Variants in CTNNA3 observed in about 807,000 individuals in gnomAD.
CTNNA3 encodes the protein catenin alpha 3.
A neutral mutation model predicts 95.7 loss-of-function variants in CTNNA3; 76 were observed. The ratio of observed to expected loss-of-function variants is 0.79; its 90% CI spans 0.66 to 0.96. The LOEUF is 0.96. Ranked by LOEUF, CTNNA3 falls within the 40% of genes least tolerant of loss-of-function variation. The pLI, the probability that CTNNA3 is intolerant of heterozygous loss-of-function variation, is 0.00. For synonymous variants in CTNNA3, 431 were observed against 374.4 expected, an observed-to-expected ratio of 1.15 and a Z score of -1.74; for missense variants, 1,191 against 1,089.8, an observed-to-expected ratio of 1.09 and a Z score of -1.31.
chr10:66,828,280 C>T (rs375372580), intron 7 of CTNNA3, among the ~76,000 whole-genome samples: 1 of 152,206 alleles, frequency 6.6e-6, no homozygotes, highest in African/African-American at 2.4e-5. Context: ...GCAGACTCAG[C>T]ATAGGGTTTC....
intron 5 of CTNNA3, among the ~76,000 whole-genome samples, chr10:67,438,067 A>G (rs138406781): frequency 4.7e-4 from 72 of 152,332 alleles, no homozygotes; most frequent in Non-Finnish European, 9.0e-4. Flanking sequence ...TGAAAGAGCA[A>G]CAAATAATGG....
chr10:67,660,651 G>A (rs1840156276), intron 1 of CTNNA3, among the ~76,000 whole-genome samples: 1 of 152,092 alleles, frequency 6.6e-6, no homozygotes, highest in African/African-American at 2.4e-5. Context: ...TGCGAATTAA[G>A]TCCGGGCGCA....
intron 3 of CTNNA3, among the ~76,000 whole-genome samples, chr10:67,580,572 T>C (rs1842351804): frequency 6.6e-6 from 1 of 151,750 alleles, no homozygotes; most frequent in African/African-American, 2.4e-5. Flanking sequence ...AACTTTAAAG[T>C]AGTTTTTTCC....
At chr10:66,896,305 A>C (rs1845490435) in intron 7 of CTNNA3, among the ~76,000 whole-genome samples, 1 of 152,156 alleles carries the variant, frequency 6.6e-6, no homozygotes, top group South Asian at 2.1e-4. Context: ...CTGTTATTTA[A>C]GTAGGCTAAT....
chr10:67,561,975 T>A (rs2133260745), intron 3 of CTNNA3, among the ~76,000 whole-genome samples: 1 of 152,204 alleles, frequency 6.6e-6, no homozygotes, highest in South Asian at 2.1e-4. Flanking sequence ...AACAACAGGA[T>A]CTGAAATTGT....
intron 11 of CTNNA3, among the ~76,000 whole-genome samples, chr10:66,499,835 C>T (rs1297141859): frequency 1.4e-5 from 2 of 145,804 alleles, no homozygotes; most frequent in Non-Finnish European, 3.0e-5. Flanking sequence ...CAGAGTATCA[C>T]TCTGTTGCCC....
intron 10 of CTNNA3, among the ~76,000 whole-genome samples, chr10:66,539,078 C>T (rs907328558): frequency 2.0e-5 from 3 of 151,976 alleles, no homozygotes; most frequent in Non-Finnish European, 4.4e-5. Flanking sequence ...TTGTTTAAAA[C>T]CTTGTTGTTC....
chr10:67,248,391 T>G (rs1227368622), intron 5 of CTNNA3, among the ~76,000 whole-genome samples: 1 of 152,074 alleles, frequency 6.6e-6, no homozygotes, highest in Admixed American at 6.6e-5. Flanking sequence ...TGGATTCTTT[T>G]TTCGTGTTTT....
intron 1 of CTNNA3, among the ~76,000 whole-genome samples, chr10:67,719,633 G>A (rs1348595810): frequency 6.6e-6 from 1 of 152,164 alleles, no homozygotes; most frequent in African/African-American, 2.4e-5. Flanking sequence ...TTAATCCTGA[G>A]TTCTAATTTG....
At chr10:66,616,549 T>C (rs1433344974) in intron 10 of CTNNA3, among the ~76,000 whole-genome samples, 1 of 152,082 alleles carries the variant, frequency 6.6e-6, no homozygotes, top group East Asian at 1.9e-4. Context: ...CTCATGTCAC[T>C]ATTTCAAATA....
Position 65,918,093 on chromosome 10 carries a change from G to A in CTNNA3, c.*2237C>T, listed in dbSNP as rs1402445743. ...CTGAAAATCTGCCTGGGTTAAAGAGGAGAACTTGTTCACATCTCACTTTGG... is the reference window on the plus strand; with the variant it reads ...CTGAAAATCTGCCTGGGTTAAAGAGAAGAACTTGTTCACATCTCACTTTGG... On this transcript the variant is annotated 3_prime_UTR_variant, in exon 18 of 18. Transcript: ENST00000433211. 1 of 152,110 alleles carries A rather than the reference G, an allele frequency of 6.6e-6. No homozygotes were observed. The highest frequency in any genetic ancestry group is 2.4e-5 in the African/African-American group (1 of 41,428). The allele number at this position is 152,110 out of a possible 1,614,324, so 9.4% of individuals were successfully genotyped here.
At chr10:66,618,897 G>A (rs796225547) in intron 10 of CTNNA3, among the ~76,000 whole-genome samples, 23 of 152,156 alleles carry the variant, frequency 1.5e-4, no homozygotes, top group Admixed American at 3.3e-4. Context: ...AAAAGTGGGC[G>A]AAGGATATGA....
intron 5 of CTNNA3, among the ~76,000 whole-genome samples, chr10:67,250,425 C>T (rs760098096): frequency 1.8e-4 from 28 of 152,008 alleles, no homozygotes; most frequent in Non-Finnish European, 3.8e-4. Context: ...CTGTGTTAGC[C>T]AGGATGGTCT....
At chr10:67,737,244 T>C (rs576011143) in intron 1 of CTNNA3, among the ~76,000 whole-genome samples, 113 of 152,264 alleles carry the variant, frequency 7.4e-4, no homozygotes, top group Admixed American at 2.7e-3. Flanking sequence ...TGCTCCTGAA[T>C]GACCAATGGA....
At chr10:67,506,661 A>G (rs1049699392) in intron 5 of CTNNA3, among the ~76,000 whole-genome samples, 1 of 152,194 alleles carries the variant, frequency 6.6e-6, no homozygotes, top group Non-Finnish European at 1.5e-5. Context: ...TCCTAGCACT[A>G]CTATTAACAA....
At chr10:66,949,491 G>A (rs780128250) in intron 7 of CTNNA3, among the ~76,000 whole-genome samples, 1 of 152,040 alleles carries the variant, frequency 6.6e-6, no homozygotes, top group Non-Finnish European at 1.5e-5. Flanking sequence ...CCAGGAGGCG[G>A]AGGTTGCAGT....
At chr10:67,657,734 C>T (rs1840064765) in intron 1 of CTNNA3, among the ~76,000 whole-genome samples, 1 of 150,558 alleles carries the variant, frequency 6.6e-6, no homozygotes, top group African/African-American at 2.5e-5. Flanking sequence ...GTAATCCCAG[C>T]TACTCGGGAG....
chr10:67,383,569 T>G (rs1481861190), intron 5 of CTNNA3, among the ~76,000 whole-genome samples: 1 of 152,216 alleles, frequency 6.6e-6, no homozygotes, highest in East Asian at 1.9e-4. Flanking sequence ...CAACTTAAAA[T>G]GTAGTGTAGA....
At chr10:66,696,862 C>T (rs983826931) in intron 9 of CTNNA3, among the ~76,000 whole-genome samples, 1 of 151,952 alleles carries the variant, frequency 6.6e-6, no homozygotes, top group Non-Finnish European at 1.5e-5. Flanking sequence ...TCACATGATC[C>T]CAGGAGGTTG....
Sources: gnomAD v4.1 joint callset for allele counts (sites outside exome capture counted in the v4.1 genomes callset) on GRCh38, gnomAD v4.1.1 for gene constraint, MANE v1.5 for transcripts, NCBI Gene and HGNC (gene_info 2026-07-23, HGNC 2026-07-21) for gene names.